Variants in CELF2 observed in about 807,000 individuals in gnomAD.
CELF2 encodes CUG triplet repeat RNA-binding protein 2.
CELF2 carries 8 observed loss-of-function variants against 62.6 expected under a neutral mutation model. That is an observed-to-expected ratio of 0.13 (90% CI 0.07 to 0.23). The LOEUF is 0.23. CELF2 is among the 10% of genes least tolerant of loss of function. The pLI, the probability that CELF2 is intolerant of heterozygous loss-of-function variation, is 1.00. For missense variants in CELF2, 333 were observed against 671.0 expected, an observed-to-expected ratio of 0.50 and a Z score of 5.56; for synonymous variants, 258 against 250.0, an observed-to-expected ratio of 1.03 and a Z score of -0.30.
At chr10:11,307,525 TGATG>T (rs753141853) in intron 9 of CELF2, among the ~76,000 whole-genome samples, 7 of 152,208 alleles carry the variant, frequency 4.6e-5, no homozygotes, top group Non-Finnish European at 1.5e-5. Flanking sequence ...ACCTAATAAC[TGATG>T]ATGATCTAAA....
chr10:10,652,261 G>A, the CELF2 span, among the ~76,000 whole-genome samples: 2 of 129,234 alleles, frequency 1.5e-5, no homozygotes, highest in Non-Finnish European at 3.3e-5. Context: ...GTACCTGAAA[G>A]TGACGGGGAG....
chr10:10,523,298 CTA>C, the CELF2 span, among the ~76,000 whole-genome samples: 1 of 152,168 alleles, frequency 6.6e-6, no homozygotes, highest in Non-Finnish European at 1.5e-5. Flanking sequence ...TTGACTATAC[CTA>C]TATCTTTCAA....
chr10:10,545,447 A>T, the CELF2 span, among the ~76,000 whole-genome samples: 1 of 152,212 alleles, frequency 6.6e-6, no homozygotes, highest in Non-Finnish European at 1.5e-5. Flanking sequence ...AAAAGAAATG[A>T]CACCACGTAC....
the CELF2 span, among the ~76,000 whole-genome samples, chr10:10,655,600 T>A: frequency 8.4e-6 from 1 of 119,042 alleles, no homozygotes; most frequent in Non-Finnish European, 1.9e-5. Context: ...TTGACAAACC[T>A]GAGAAAAACG....
At chr10:10,774,374 A>C in the CELF2 span, among the ~76,000 whole-genome samples, 1 of 152,212 alleles carries the variant, frequency 6.6e-6, no homozygotes, top group Admixed American at 6.5e-5. Flanking sequence ...TCCCACCCAA[A>C]CCTCAGGTTC....
chr10:11,315,657 C>T lies in CELF2; in HGVS notation c.1096+1399C>T, dbSNP rs1397028924. On this transcript the variant is annotated intron_variant, in intron 10 of 12. Transcript: ENST00000633077. The surrounding 1 kb of genome is among the most constrained non-coding windows in gnomAD (Gnocchi z 5.8). The stretch of plus-strand genomic sequence containing the variant: ...AGCTGACCATACCTCCCAAATGGGA[C>T]GGCTCGTGATTAGCGTGGAGCCCGT... 3.3e-5 allele frequency among the ~76,000 whole-genome samples: 5 copies of T among 152,196 alleles called. No individual in the cohort carries two copies. The highest frequency in any genetic ancestry group is 9.7e-5 in the African/African-American group (4 of 41,446).
intron 2 of CELF2, among the ~76,000 whole-genome samples, chr10:10,964,810 C>G (rs2049940663): frequency 6.6e-6 from 1 of 152,142 alleles, no homozygotes; most frequent in African/African-American, 2.4e-5. Flanking sequence ...ATAGAAACAT[C>G]TAACTTTTAT....
chr10:11,115,235 C>G (rs1460427770), intron 1 of CELF2, among the ~76,000 whole-genome samples: 3 of 152,204 alleles, frequency 2.0e-5, no homozygotes, highest in South Asian at 2.1e-4. Flanking sequence ...AACACTGATT[C>G]AAATGTAGTC....
At chr10:10,688,711 A>G in the CELF2 span, among the ~76,000 whole-genome samples, 5,352 of 152,332 alleles carry the variant, frequency 0.035, 317 homozygotes, top group African/African-American at 0.12. Context: ...AAATGGTACT[A>G]GCCAGTTTTT....
the CELF2 span, among the ~76,000 whole-genome samples, chr10:10,751,376 A>G: frequency 6.6e-6 from 1 of 152,262 alleles, no homozygotes; most frequent in Non-Finnish European, 1.5e-5. Flanking sequence ...AAGTAAAAGA[A>G]TGTAGTTCCA....
intron 1 of CELF2, among the ~76,000 whole-genome samples, chr10:11,060,728 A>G (rs996261441): frequency 6.6e-6 from 1 of 152,086 alleles, no homozygotes; most frequent in South Asian, 2.1e-4. Flanking sequence ...TCCCAATAAC[A>G]TGTGCTCAGT....
chr10:11,168,020 G>T lies in CELF2; in HGVS notation c.271+2338G>T, dbSNP rs150483501. ...TGAGATGAGATGGCAGAGTAGCCCT[G>T]GTGTGCTGTGTTTCAGGGCCTGGGT... is the stretch of plus-strand genomic sequence containing the variant. On this transcript the variant is annotated intron_variant, in intron 2 of 12. Coordinates refer to ENST00000633077, the MANE Select transcript of CELF2 (RefSeq NM_001326342.2). 8.1e-3 allele frequency among the ~76,000 whole-genome samples: 1,229 copies of T among 152,272 alleles called. 9 individuals carry two copies. Among genetic ancestry groups the T allele is most frequent in the Non-Finnish European group, 0.013 (880 of 68,024 alleles).
chr10:10,887,081 G>A (rs1438592424), intron 1 of CELF2, among the ~76,000 whole-genome samples: 6 of 151,970 alleles, frequency 3.9e-5, no homozygotes, highest in South Asian at 4.1e-4. Context: ...TAAAATAACC[G>A]GGGACTGGCA....
At chr10:10,776,205 C>T in the CELF2 span, 1 of 153,234 alleles carries the variant, frequency 6.5e-6, no homozygotes, top group Non-Finnish European at 1.5e-5. Flanking sequence ...TGTTCAGTTT[C>T]AAACGTTTCA....
chr10:10,609,907 G>A, the CELF2 span, among the ~76,000 whole-genome samples: 111 of 152,304 alleles, frequency 7.3e-4, 1 homozygote, highest in East Asian at 8.7e-3. Context: ...GATGTTTTGC[G>A]TTGATTCAGA....
At chr10:11,017,747 T>C (rs966670677), upstream of CELF2, among the ~76,000 whole-genome samples, 3 of 151,784 alleles carry the variant, frequency 2.0e-5, no homozygotes, top group Non-Finnish European at 4.4e-5. The surrounding 1 kb of genome is among the most constrained non-coding windows in gnomAD (Gnocchi z 5.5). Flanking sequence ...AGTCTGGCCG[T>C]GCCCGGGCGG....
chr10:10,913,202 T>G (rs979663084), intron 1 of CELF2, among the ~76,000 whole-genome samples: 44 of 152,004 alleles, frequency 2.9e-4, no homozygotes, highest in Admixed American at 9.2e-4. Flanking sequence ...GAAAACATAG[T>G]GATGAATGAC....
the CELF2 span, among the ~76,000 whole-genome samples, chr10:10,791,206 A>G: frequency 4.6e-5 from 7 of 152,198 alleles, no homozygotes; most frequent in Admixed American, 3.9e-4. Flanking sequence ...TATGTTAGAA[A>G]CACTGAAATA....
At chr10:10,895,313 G>A (rs1190138137) in intron 1 of CELF2, among the ~76,000 whole-genome samples, 1 of 152,140 alleles carries the variant, frequency 6.6e-6, no homozygotes, top group Admixed American at 6.6e-5. Flanking sequence ...ACCTGAAATT[G>A]AGCAGAAAAT....
Sources: allele counts gnomAD v4.1 joint callset (sites outside exome capture counted in the v4.1 genomes callset), GRCh38; gene constraint gnomAD v4.1.1; non-coding constraint Gnocchi (gnomAD v3.1); transcripts MANE v1.5; gene names NCBI Gene and HGNC (gene_info 2026-07-23, HGNC 2026-07-21).